KCNIP4: variants seen among roughly 807,000 people sequenced by gnomAD.
KCNIP4 encodes Kv channel-interacting protein 4.
Under a neutral mutation model 34.0 loss-of-function variants are expected in KCNIP4, and 12 were observed. That is an observed-to-expected ratio of 0.35 (90% confidence interval 0.23 to 0.57). KCNIP4 has a LOEUF of 0.57. Among genes scored for constraint, KCNIP4 ranks in the 20% least tolerant of loss-of-function variants. The probability of loss-of-function intolerance (pLI) is 0.83; values close to 1 mark genes in which losing one functional copy is unlikely to be tolerated. For synonymous variants in KCNIP4, 124 were observed against 102.2 expected (o/e 1.21, Z -1.29); for missense variants, 238 against 311.7 (o/e 0.76, Z 1.78).
intron 1 of KCNIP4, among the ~76,000 whole-genome samples, chr4:21,768,662 G>A (rs1405851057): frequency 6.6e-6 from 1 of 152,034 alleles, no homozygotes; most frequent in Non-Finnish European, 1.5e-5. Context: ...ATTTTTATAA[G>A]TTTTAAGAAA....
chr4:21,242,121 G>A (rs1368468199), intron 1 of KCNIP4, among the ~76,000 whole-genome samples: 4 of 132,124 alleles, frequency 3.0e-5, no homozygotes, highest in African/African-American at 1.2e-4. Flanking sequence ...CCGAGATTGC[G>A]CCACTGCACT....
At chr4:20,892,107 T>C (rs1725978205) in intron 1 of KCNIP4, among the ~76,000 whole-genome samples, 1 of 152,218 alleles carries the variant, frequency 6.6e-6, no homozygotes, top group Non-Finnish European at 1.5e-5. Context: ...GCTGACTGAA[T>C]ATGAGGAAAA....
At chr4:21,749,499 C>T (rs536445957) in intron 1 of KCNIP4, among the ~76,000 whole-genome samples, 2 of 152,162 alleles carry the variant, frequency 1.3e-5, no homozygotes, top group Non-Finnish European at 2.9e-5. Context: ...CCACTTGACA[C>T]CATTCCCAGA....
At chr4:20,815,850 G>C (rs1716307286) in intron 3 of KCNIP4, among the ~76,000 whole-genome samples, 3 of 152,174 alleles carry the variant, frequency 2.0e-5, no homozygotes, top group Admixed American at 2.0e-4. Context: ...AGACATGTGA[G>C]ACTTTTAAGA....
At chr4:21,072,906 C>T (rs1360601714) in intron 1 of KCNIP4, among the ~76,000 whole-genome samples, 1 of 152,136 alleles carries the variant, frequency 6.6e-6, no homozygotes, top group Admixed American at 6.6e-5. Flanking sequence ...ATAGGGAATC[C>T]TTTCCCCATT....
intron 1 of KCNIP4, among the ~76,000 whole-genome samples, chr4:21,477,590 T>C (rs1453949769): frequency 6.6e-6 from 1 of 152,150 alleles, no homozygotes; most frequent in African/African-American, 2.4e-5. Flanking sequence ...TGAATATATA[T>C]ATAACTAACT....
At chr4:21,809,344 C>T (rs897504268) in intron 1 of KCNIP4, among the ~76,000 whole-genome samples, 29 of 152,140 alleles carry the variant, frequency 1.9e-4, no homozygotes, top group African/African-American at 6.8e-4. Flanking sequence ...CACCCCAGTG[C>T]CGCTAACCCC....
intron 1 of KCNIP4, among the ~76,000 whole-genome samples, chr4:20,966,594 G>A (rs905479443): frequency 2.6e-5 from 4 of 152,130 alleles, no homozygotes; most frequent in African/African-American, 9.7e-5. Flanking sequence ...TAGCAAATTT[G>A]AAGAAATTTC....
intron 1 of KCNIP4, among the ~76,000 whole-genome samples, chr4:21,917,728 CA>C: frequency 6.6e-6 from 1 of 152,212 alleles, no homozygotes; most frequent in East Asian, 1.9e-4. Context: ...GAGAATAAGG[CA>C]GCTTCAGTTA....
chr4:21,475,498 C>T (rs774482047), intron 1 of KCNIP4, among the ~76,000 whole-genome samples: 16 of 152,152 alleles, frequency 1.1e-4, no homozygotes, highest in East Asian at 3.9e-4. Flanking sequence ...AAGCAAGTTA[C>T]GGGTCAAAAT....
intron 1 of KCNIP4, among the ~76,000 whole-genome samples, chr4:21,100,027 G>A (rs986200678): frequency 1.3e-5 from 2 of 152,144 alleles, no homozygotes; most frequent in African/African-American, 4.8e-5. Flanking sequence ...TTGCCTTCTT[G>A]AGATGGAATC....
chr4:21,183,987 C>T (rs577700116), intron 1 of KCNIP4, among the ~76,000 whole-genome samples: 2 of 152,166 alleles, frequency 1.3e-5, no homozygotes, highest in South Asian at 2.1e-4. Flanking sequence ...TATCTCACTA[C>T]CAAAAATTGT....
intron 1 of KCNIP4, among the ~76,000 whole-genome samples, chr4:21,825,303 C>A (rs1038863925): frequency 7.3e-5 from 11 of 151,716 alleles, no homozygotes; most frequent in African/African-American, 2.4e-4. Flanking sequence ...ACTGGAAAAA[C>A]CAGCTCTGAC....
In KCNIP4 at chr4:21,003,105, G is replaced by A. The variant is rs569054343; in HGVS notation, c.62-120396C>T. Reference sequence around the variant, plus strand: ...ACCATTTCCCAAGTTTAACACGTTTGATCTGCTGATGTCCTCTAGTAGTAA... The same window carrying A: ...ACCATTTCCCAAGTTTAACACGTTTAATCTGCTGATGTCCTCTAGTAGTAA... On this transcript the variant is annotated intron_variant, in intron 1 of 8. Transcript: ENST00000382152. 2.0e-5 allele frequency among the ~76,000 whole-genome samples: 3 copies of A among 152,278 alleles called. No homozygotes were observed. The East Asian group carries it at 5.8e-4, about 29-fold the overall frequency.
Position 21,738,139 on chromosome 4 carries a change from T to A in KCNIP4, c.61+210432A>T, listed in dbSNP as rs1055630545. Among the ~76,000 whole-genome samples the A allele has an allele frequency of 4.4e-5, 6 of 136,558 alleles. No individual in the cohort carries two copies. In the East Asian group the frequency reaches 8.3e-4, roughly 19 times the overall value. The allele number at this position is 136,558 out of a possible 152,430, so 89.6% of individuals were successfully genotyped here. A position where few individuals can be genotyped will look rare whatever the true frequency, so the allele number is the denominator to read the frequency against. Reference sequence around the variant, plus strand: ...AATAAATAAATAAATAAATAAATAATAAATAAAAGGCTTAAAAGTCAAATC... The same window carrying A: ...AATAAATAAATAAATAAATAAATAAAAAATAAAAGGCTTAAAAGTCAAATC... On this transcript the variant is annotated intron_variant, in intron 1 of 8. Transcript: ENST00000382152.
At chr4:21,552,749 C>G (rs190143640) in intron 1 of KCNIP4, among the ~76,000 whole-genome samples, 4 of 152,168 alleles carry the variant, frequency 2.6e-5, no homozygotes, top group African/African-American at 7.2e-5. Flanking sequence ...GGCAGATTGA[C>G]CTTTCTTGAG....
intron 1 of KCNIP4, among the ~76,000 whole-genome samples, chr4:21,734,030 G>C (rs191163649): frequency 6.6e-5 from 10 of 152,296 alleles, no homozygotes; most frequent in Admixed American, 2.6e-4. Flanking sequence ...GACTGGGGCT[G>C]TGACATGCTG....
intron 1 of KCNIP4, chr4:21,850,351 C>T (rs1287181894): frequency 6.6e-6 from 1 of 151,986 alleles, no homozygotes; most frequent in Non-Finnish European, 1.5e-5. Context: ...CAAATCAATG[C>T]TATGATTTGA....
Position 21,420,989 on chromosome 4 carries a change from G to T in KCNIP4, c.61+527582C>A, listed in dbSNP as rs1043600456. 5.3e-5 allele frequency among the ~76,000 whole-genome samples: 8 copies of T among 152,112 alleles called. 1 individual carries two copies. The highest frequency in any genetic ancestry group is 1.5e-5 in the Non-Finnish European group (1 of 68,006). On this transcript the variant is annotated intron_variant, in intron 1 of 8. Transcript: ENST00000382152. ...ATATAAAGAGCAAAGAACCTAAATA[G>T]ACATTTCTTTAAAGAAGACATACAA...
Sources: allele counts gnomAD v4.1 joint callset (sites outside exome capture counted in the v4.1 genomes callset), GRCh38; gene constraint gnomAD v4.1.1; transcripts MANE v1.5; gene names NCBI Gene and HGNC (gene_info 2026-07-23, HGNC 2026-07-21).